Variants in WNK2 observed in about 807,000 individuals in gnomAD.
WNK2 encodes serine/threonine-protein kinase WNK2.
Under a neutral mutation model 192.1 loss-of-function variants are expected in WNK2, and 67 were observed. The observed-to-expected ratio is 0.35, with a 90% CI of 0.29 to 0.43. WNK2 has a LOEUF of 0.43. Among genes scored for constraint, WNK2 ranks in the 20% least tolerant of loss-of-function variants. The pLI is 1.00. For missense variants in WNK2, 2,698 were observed against 3,089.7 expected (o/e 0.87, Z 3.01); for synonymous variants, 1,439 against 1,393.9 (o/e 1.03, Z -0.72).
rs530506166 is a variant in WNK2 at position 93,292,628 on chromosome 9, C to G, written c.5163C>G (p.Leu1721=). Residue 1721 remains leucine (L), a synonymous_variant, in exon 23 of 30, where the codon CTC becomes CTG. Coordinates refer to ENST00000427277, the MANE Select transcript of WNK2 (RefSeq NM_006648.4). ...GCCAGGCTAGCCACCCCCAGACACT[C>G]GGCGCTCGAGCTTTGGGGTCCCCTC... ...VGGQASHPQT[L]GARALGSPRK... 1 of 1,581,978 alleles carries G rather than the reference C, an allele frequency of 6.3e-7. No individual in the cohort carries two copies. Among genetic ancestry groups the G allele is most frequent in the East Asian group, 2.3e-5 (1 of 43,338 alleles).
chr9:93,276,435 T>A (rs536228728), intron 19 of WNK2, among the ~76,000 whole-genome samples: 1 of 152,338 alleles, frequency 6.6e-6, no homozygotes, highest in African/African-American at 2.4e-5. Flanking sequence ...CAAAACTTAA[T>A]TCAAAGTGGA....
At chr9:93,299,453 C>T (rs1322438178) in intron 25 of WNK2, among the ~76,000 whole-genome samples, 192 bp downstream of exon 25, 3 of 152,118 alleles carry the variant, frequency 2.0e-5, no homozygotes, top group African/African-American at 4.8e-5. Context: ...TCCCATCCAC[C>T]ACCAAGTCTT....
intron 26 of WNK2, among the ~76,000 whole-genome samples, chr9:93,305,279 C>T (rs1852320080): frequency 6.6e-6 from 1 of 152,214 alleles, no homozygotes; most frequent in African/African-American, 2.4e-5. Flanking sequence ...CACCCAGTGC[C>T]CCTACATATT....
intron 23 of WNK2, among the ~76,000 whole-genome samples, chr9:93,294,010 G>A (rs907981478): frequency 1.3e-5 from 2 of 150,546 alleles, no homozygotes; most frequent in Non-Finnish European, 3.0e-5. Flanking sequence ...CCCTCATCCA[G>A]CAAATATTTA....
At chr9:93,220,807 C>A (rs1836721044) in intron 2 of WNK2, among the ~76,000 whole-genome samples, 1 of 152,148 alleles carries the variant, frequency 6.6e-6, no homozygotes, top group African/African-American at 2.4e-5. Context: ...CCGTGCTGCC[C>A]CAGCATCAGA....
At chr9:93,192,434 C>T (rs1830500805) in intron 2 of WNK2, among the ~76,000 whole-genome samples, 2 of 152,072 alleles carry the variant, frequency 1.3e-5, no homozygotes, top group Admixed American at 1.3e-4. Flanking sequence ...AGGGGAAGGG[C>T]AGGCCTTGGC....
chr9:93,267,751 G>A lies in WNK2; in HGVS notation c.3702G>A (p.Glu1234=), dbSNP rs767453804. The A allele has an allele frequency of 2.2e-5, 35 of 1,592,942 alleles. No homozygotes were observed. Among genetic ancestry groups the A allele is most frequent in the Non-Finnish European group, 2.9e-5 (34 of 1,169,422 alleles). ...GGCAGTATGTCCCTTTGCAGGTGGA[G>A]CATGACTTTATCCTGCAGGCCGAGC... ...APDEIATYMV[E]HDFILQAERE... is the part of the protein sequence containing the mutation. The change falls in exon 17 of 30, where the codon GAG becomes GAA. Residue 1234 remains glutamate, a synonymous_variant. Transcript: ENST00000427277.
Position 93,261,867 on chromosome 9 carries a change from C to T in WNK2, c.3120C>T (p.Pro1040=). ...PYAVDVAAQV[P]TVPVPPAAVL... is the part of the protein sequence containing the mutation. ...CTGTGGACGTCGCCGCTCAGGTCCC[C>T]ACCGTGCCTGTGCCACCGGCTGCGG... The change falls in exon 13 of 30, where the codon CCC becomes CCT. Residue 1040 remains proline (P), a synonymous_variant. Coordinates refer to ENST00000427277, the MANE Select transcript of WNK2 (RefSeq NM_006648.4). 1.2e-6 allele frequency: 2 copies of T among 1,600,614 alleles called. No individual in the cohort carries two copies. Among genetic ancestry groups the T allele is most frequent in the Non-Finnish European group, 8.5e-7 (1 of 1,179,492 alleles).
At chr9:93,226,077 G>A (rs1290342434) in intron 2 of WNK2, among the ~76,000 whole-genome samples, 3 of 152,238 alleles carry the variant, frequency 2.0e-5, no homozygotes, top group Non-Finnish European at 4.4e-5. Flanking sequence ...GTTTGACAGC[G>A]TGTAGAATTC....
At position 93,317,186 on chromosome 9, in the gene WNK2, T is replaced by C. The variant is rs528349131; in HGVS notation, c.6517-334T>C. On this transcript the variant is annotated intron_variant, in intron 28 of 29. Coordinates refer to ENST00000427277, the MANE Select transcript of WNK2 (RefSeq NM_006648.4). ...TGACCAGCCAAGCAGGAGGGCTTTGTGGTGGCTGAGTAGAGGCATGTGGGG... is the reference window on the plus strand; with the variant it reads ...TGACCAGCCAAGCAGGAGGGCTTTGCGGTGGCTGAGTAGAGGCATGTGGGG... The C allele has an allele frequency of 1.9e-5, 8 of 428,016 alleles. No homozygotes were observed. In the South Asian group the frequency reaches 2.0e-4, roughly 11 times the overall value. The allele number at this position is 428,016 out of a possible 1,614,324, so 26.5% of individuals were successfully genotyped here. A position where few individuals can be genotyped will look rare whatever the true frequency, so the allele number is the denominator to read the frequency against.
intron 20 of WNK2, 100 bp from the exon 21 acceptor site, chr9:93,289,878 G>A (rs1849040426): frequency 8.0e-7 from 1 of 1,247,692 alleles, no homozygotes; most frequent in East Asian, 2.5e-5. Flanking sequence ...GGGCAGCCCA[G>A]GGGCAGCTTG....
chr9:93,268,917 T>G (rs747933780), intron 19 of WNK2, 171 bp downstream of exon 19: 3 of 1,559,202 alleles, frequency 1.9e-6, no homozygotes, highest in Admixed American at 3.8e-5. Flanking sequence ...ATCCTTGTTT[T>G]CTGCTGAATC....
intron 16 of WNK2, among the ~76,000 whole-genome samples, chr9:93,265,902 CTA>C (rs1374626204): frequency 3.4e-4 from 52 of 152,220 alleles, no homozygotes; most frequent in Non-Finnish European, 7.3e-5. Flanking sequence ...AGCAATGGGG[CTA>C]TCTTTAGCTG....
chr9:93,302,607 C>T (rs1020203741), intron 26 of WNK2, among the ~76,000 whole-genome samples: 3 of 152,164 alleles, frequency 2.0e-5, no homozygotes, highest in African/African-American at 2.4e-5. Flanking sequence ...GAAGATGAAA[C>T]GGCCCCAGGC....
intron 28 of WNK2, among the ~76,000 whole-genome samples, chr9:93,311,744 C>T (rs545477395): frequency 6.6e-6 from 1 of 151,878 alleles, no homozygotes; most frequent in Admixed American, 6.6e-5. Context: ...TCCTGCCTCC[C>T]GAGTAGCTGG....
chr9:93,191,020 C>T (rs1057288720), intron 2 of WNK2, among the ~76,000 whole-genome samples: 6 of 152,292 alleles, frequency 3.9e-5, no homozygotes, highest in East Asian at 3.9e-4. Flanking sequence ...ATGGGGCCTG[C>T]GCTGGAGACC....
intron 21 of WNK2, 84 bp downstream of exon 21, chr9:93,290,131 C>A: frequency 1.6e-6 from 2 of 1,252,056 alleles, no homozygotes; most frequent in South Asian, 1.4e-5. Flanking sequence ...GCACCCTCGT[C>A]TTTCATCTGT....
chr9:93,211,550 TCACTCACTCATC>T (rs386736359), intron 2 of WNK2, among the ~76,000 whole-genome samples: 2 of 133,682 alleles, frequency 1.5e-5, no homozygotes, highest in Non-Finnish European at 3.2e-5. Context: ...ATCCATTCAC[TCACTCACTCATC>T]CACTCACACA....
rs1348393460 is a variant in WNK2, at chr9:93,300,806, C to T, written c.6214+657C>T. On this transcript the variant is annotated intron_variant, in intron 26 of 29. Coordinates refer to ENST00000427277, the MANE Select transcript of WNK2 (RefSeq NM_006648.4). ...TTCGGGCCTCCCCAGCCCCTCCCCA[C>T]TGGAAGGGCAGGTCTGGTCCCCTTT... 3.9e-5 allele frequency among the ~76,000 whole-genome samples: 6 copies of T among 152,334 alleles called. No homozygotes were observed. In the East Asian group the frequency reaches 1.2e-3, roughly 29 times the overall value.
Sources: allele counts gnomAD v4.1 joint callset (sites outside exome capture counted in the v4.1 genomes callset), GRCh38; gene constraint gnomAD v4.1.1; transcripts MANE v1.5; gene names NCBI Gene and HGNC (gene_info 2026-07-23, HGNC 2026-07-21).